Variants in CELF2 observed in about 807,000 individuals in gnomAD.
CELF2 encodes the protein CUG triplet repeat RNA-binding protein 2.
CELF2 carries 8 observed loss-of-function variants against 62.6 expected under a neutral mutation model. The ratio of observed to expected loss-of-function variants is 0.13; its 90% CI spans 0.07 to 0.23. The LOEUF (loss-of-function observed/expected upper bound fraction) is 0.23, where lower values mean the gene tolerates loss of function less well. Among genes scored for constraint, CELF2 ranks in the 10% least tolerant of loss-of-function variants. The pLI, the probability that CELF2 is intolerant of heterozygous loss-of-function variation, is 1.00. For synonymous variants in CELF2, 258 were observed against 250.0 expected (o/e 1.03, Z -0.30); for missense variants, 333 against 671.0 (o/e 0.50, Z 5.56).
intron 2 of CELF2, among the ~76,000 whole-genome samples, chr10:11,210,010 GA>G (rs950245937): frequency 1.6e-4 from 24 of 151,074 alleles, no homozygotes; most frequent in Non-Finnish European, 3.5e-4. Context: ...TCATTCACAG[GA>G]AAAAAAAATA....
the CELF2 span, among the ~76,000 whole-genome samples, chr10:10,756,316 G>A: frequency 6.6e-6 from 1 of 152,130 alleles, no homozygotes; most frequent in Admixed American, 6.6e-5. Flanking sequence ...TTATCTTGCT[G>A]ATTATTAAAA....
At chr10:10,559,472 G>T in the CELF2 span, among the ~76,000 whole-genome samples, 1 of 152,178 alleles carries the variant, frequency 6.6e-6, no homozygotes, top group Non-Finnish European at 1.5e-5. Flanking sequence ...ACATATACTA[G>T]CTGTTCAAAA....
chr10:11,078,305 G>C (rs1379391751), intron 1 of CELF2, among the ~76,000 whole-genome samples: 1 of 152,108 alleles, frequency 6.6e-6, no homozygotes, highest in Non-Finnish European at 1.5e-5. Flanking sequence ...TTTCTCTCTT[G>C]GGTGCTACAG....
rs766383928 is a variant in CELF2, at chr10:11,309,083, T to C, written c.977-5056T>C. Among the ~76,000 whole-genome samples the C allele has an allele frequency of 2.6e-5, 4 of 152,252 alleles. No homozygotes were observed. Among genetic ancestry groups the C allele is most frequent in the Non-Finnish European group, 5.9e-5 (4 of 68,048 alleles). ...AGATTGTTATCATATTTATAATAGC[T>C]GCTTTCATGTCTTTGTCCACCAAGT... On this transcript the variant is annotated intron_variant, in intron 9 of 12. Transcript: ENST00000633077. This position sits in a 1 kb window ranked among gnomAD's most constrained non-coding sequence, Gnocchi z 5.6.
the CELF2 span, among the ~76,000 whole-genome samples, chr10:10,610,088 A>G: frequency 1.3e-5 from 2 of 152,248 alleles, no homozygotes; most frequent in Non-Finnish European, 2.9e-5. Flanking sequence ...TATGCACCAT[A>G]TATCAATTAA....
rs1204767628 is a variant in CELF2, at chr10:11,244,920, TCTC to T, written c.355-4232_355-4230del. 6.6e-6 allele frequency among the ~76,000 whole-genome samples: 1 copy of T among 152,172 alleles called. No homozygotes were observed. The highest frequency in any genetic ancestry group is 1.9e-4 in the East Asian group (1 of 5,194). ...TCCTCCATCTGTGTCTGGTGTCTCT[TCTC>T]TGAGTTCGCACCGTACAGCTCTTAC... On this transcript the variant is annotated intron_variant, in intron 3 of 12. Coordinates refer to ENST00000633077, the MANE Select transcript of CELF2 (RefSeq NM_001326342.2). This position sits in a 1 kb window ranked among gnomAD's most constrained non-coding sequence, Gnocchi z 4.2.
At chr10:10,768,282 A>G in the CELF2 span, among the ~76,000 whole-genome samples, 4 of 152,106 alleles carry the variant, frequency 2.6e-5, no homozygotes, top group African/African-American at 9.7e-5. Flanking sequence ...GGGTCCTTGA[A>G]TGTATCTAAA....
Position 11,211,778 on chromosome 10 carries a change from G to A in CELF2, c.272-5647G>A, listed in dbSNP as rs995251465. On this transcript the variant is annotated intron_variant, in intron 2 of 12. Transcript: ENST00000633077. The surrounding 1 kb of genome is among the most constrained non-coding windows in gnomAD (Gnocchi z 4.8). ...ACTGTGTGTGAGTGAGTGAGAGTGT[G>A]TGTGTATGTGTGTGAGAGAGAGAGA... Among the ~76,000 whole-genome samples, 1 of 146,438 alleles carries A rather than the reference G, an allele frequency of 6.8e-6. No individual in the cohort carries two copies. Among genetic ancestry groups the A allele is most frequent in the Non-Finnish European group, 1.5e-5 (1 of 67,378 alleles).
upstream of CELF2, among the ~76,000 whole-genome samples, chr10:10,796,419 TA>T (rs1220280062): frequency 6.6e-6 from 1 of 152,238 alleles, no homozygotes; most frequent in Non-Finnish European, 1.5e-5. Flanking sequence ...TGACTACCTT[TA>T]AAAAGTTTTT....
At chr10:10,796,364 T>G (rs2054139289), upstream of CELF2, among the ~76,000 whole-genome samples, 1 of 152,264 alleles carries the variant, frequency 6.6e-6, no homozygotes, top group Non-Finnish European at 1.5e-5. Flanking sequence ...TATCTGTTTC[T>G]GTACTTGGGC....
At chr10:10,824,968 G>A (rs1395767405) in intron 1 of CELF2, among the ~76,000 whole-genome samples, 1 of 152,178 alleles carries the variant, frequency 6.6e-6, no homozygotes, top group Middle Eastern at 3.2e-3. Flanking sequence ...GTCATTGTTT[G>A]TCCTCTCTGT....
At chr10:10,490,883 G>C in the CELF2 span, among the ~76,000 whole-genome samples, 1 of 152,264 alleles carries the variant, frequency 6.6e-6, no homozygotes, top group South Asian at 2.1e-4. Context: ...AAATGGAAGA[G>C]TTTTACAGCC....
At chr10:10,860,880 A>G (rs2060010965) in intron 1 of CELF2, among the ~76,000 whole-genome samples, 1 of 152,218 alleles carries the variant, frequency 6.6e-6, no homozygotes, top group South Asian at 2.1e-4. Context: ...CTTGGCTGCT[A>G]TGATTGGCTG....
chr10:10,611,621 T>C, the CELF2 span, among the ~76,000 whole-genome samples: 161 of 152,256 alleles, frequency 1.1e-3, no homozygotes, highest in African/African-American at 3.7e-3. Context: ...CCCCAAAAAG[T>C]CAATGTCATC....
chr10:10,726,818 T>C, the CELF2 span, among the ~76,000 whole-genome samples: 1 of 152,344 alleles, frequency 6.6e-6, no homozygotes, highest in African/African-American at 2.4e-5. Flanking sequence ...TGTTCTCACA[T>C]TGCTATCAAG....
chr10:11,176,549 T>A (rs1017986345), intron 2 of CELF2, among the ~76,000 whole-genome samples: 2 of 152,194 alleles, frequency 1.3e-5, no homozygotes, highest in African/African-American at 2.4e-5. Context: ...TTAATTTGTT[T>A]CTTTGCCATT....
chr10:10,525,045 C>T, the CELF2 span, among the ~76,000 whole-genome samples: 5 of 152,092 alleles, frequency 3.3e-5, no homozygotes, highest in African/African-American at 1.2e-4. Flanking sequence ...TTATGGGATA[C>T]AGTGCAATGT....
In CELF2 at chr10:11,119,752, C is replaced by T. The variant is rs183599681; in HGVS notation, c.75-45734C>T. Among the ~76,000 whole-genome samples the T allele has an allele frequency of 8.9e-4, 136 of 152,090 alleles. 2 individuals are homozygous for T. The highest frequency in any genetic ancestry group is 1.5e-3 in the Non-Finnish European group (101 of 67,996). Reference sequence around the variant, plus strand: ...GTACACATGAAAAAGCCTTTATCCTCCTCCCCCTATAATGATCAAGGGAGT... The same window carrying T: ...GTACACATGAAAAAGCCTTTATCCTTCTCCCCCTATAATGATCAAGGGAGT... On this transcript the variant is annotated intron_variant, in intron 1 of 12. Transcript: ENST00000633077.
intron 1 of CELF2, among the ~76,000 whole-genome samples, chr10:11,147,142 A>G (rs115506412): frequency 0.012 from 1,775 of 152,242 alleles, 30 homozygotes; most frequent in African/African-American, 0.04. Context: ...TCTCTGCTTG[A>G]GTGTGCCAGG....
Sources: allele counts gnomAD v4.1 joint callset (sites outside exome capture counted in the v4.1 genomes callset), GRCh38; gene constraint gnomAD v4.1.1; non-coding constraint Gnocchi (gnomAD v3.1); transcripts MANE v1.5; gene names NCBI Gene and HGNC (gene_info 2026-07-23, HGNC 2026-07-21).